HSD17B6: variants seen among roughly 807,000 people sequenced by gnomAD.
The protein encoded by HSD17B6 is hydroxysteroid 17-beta dehydrogenase 6, also known as 17-beta-hydroxysteroid dehydrogenase type 6.
Under a neutral mutation model 26.4 loss-of-function variants are expected in HSD17B6, and 16 were observed. The ratio of observed to expected loss-of-function variants is 0.61; its 90% CI spans 0.41 to 0.92. The LOEUF is 0.92. Among genes scored for constraint, HSD17B6 ranks in the 40% least tolerant of loss-of-function variants. The pLI, the probability that HSD17B6 is intolerant of heterozygous loss-of-function variation, is 0.00. For missense variants in HSD17B6, 357 were observed against 386.1 expected, an observed-to-expected ratio of 0.92 and a Z score of 0.63; for synonymous variants, 139 against 153.0, an observed-to-expected ratio of 0.91 and a Z score of 0.68.
intron 1 of HSD17B6, among the ~76,000 whole-genome samples, chr12:56,768,678 G>A (rs1018272944): frequency 7.0e-6 from 1 of 142,010 alleles, no homozygotes; most frequent in African/African-American, 2.6e-5. Context: ...TTGAAGGCTA[G>A]TAAAGATTTG....
chr12:56,783,713 G>T (rs1160794448), intron 3 of HSD17B6, among the ~76,000 whole-genome samples: 1 of 148,254 alleles, frequency 6.7e-6, no homozygotes, highest in South Asian at 2.1e-4. Context: ...CCTCCCTCCC[G>T]GACGGGACGG....
intron 1 of HSD17B6, among the ~76,000 whole-genome samples, chr12:56,767,729 AATAT>A (rs1954370663): frequency 1.4e-5 from 2 of 145,334 alleles, no homozygotes; most frequent in South Asian, 2.1e-4. Context: ...ACACATATAT[AATAT>A]ATATGTATTA....
intron 2 of HSD17B6, among the ~76,000 whole-genome samples, chr12:56,774,799 CCTG>C (rs1456921944): frequency 6.6e-6 from 1 of 152,216 alleles, no homozygotes; most frequent in African/African-American, 2.4e-5. Context: ...CTGCCACTGA[CCTG>C]ACAGGAGGCG....
At chr12:56,785,047 G>T in intron 4 of HSD17B6, 31 bp downstream of exon 4, 1 of 1,590,474 alleles carries the variant, frequency 6.3e-7, no homozygotes, top group Non-Finnish European at 8.6e-7. Context: ...AGGGATAATG[G>T]GTACCCTGTA....
rs1954525146 is a variant in HSD17B6 at position 56,773,695 on chromosome 12, G to T, written c.-19-139G>T. 3 of 758,666 alleles carry T rather than the reference G, an allele frequency of 4.0e-6. No homozygotes were observed. In the Admixed American group the frequency reaches 1.0e-4, roughly 26 times the overall value. 47.0% of individuals were successfully genotyped at this position (758,666 alleles called of 1,614,324 possible). A position where few individuals can be genotyped will look rare whatever the true frequency, so the allele number is the denominator to read the frequency against. On this transcript the variant is annotated intron_variant, in intron 1 of 4. Coordinates refer to ENST00000322165, the MANE Select transcript of HSD17B6 (RefSeq NM_003725.4). ...CACTGACTTCCCTCTCTAGACTGTG[G>T]CCCCTTGAGGGTAGGACTAAGTATT...
intron 2 of HSD17B6, among the ~76,000 whole-genome samples, chr12:56,778,503 G>A (rs1312377901): frequency 6.6e-6 from 1 of 151,582 alleles, no homozygotes; most frequent in East Asian, 1.9e-4. Flanking sequence ...GGCCAGGCTG[G>A]TGACCTCAGG....
At chr12:56,768,767 CG>C (rs1350764743) in intron 1 of HSD17B6, among the ~76,000 whole-genome samples, 242 of 17,252 alleles carry the variant, frequency 0.014, no homozygotes, top group Middle Eastern at 0.023. Context: ...TGGCGGTGGG[CG>C]GGGGGGAGGG....
chr12:56,767,541 A>C lies in HSD17B6; in HGVS notation c.-20+4127A>C, dbSNP rs1034479629. On this transcript the variant is annotated intron_variant, in intron 1 of 4. Coordinates refer to ENST00000322165, the MANE Select transcript of HSD17B6 (RefSeq NM_003725.4). ...AAAACAAAACAAAACGAAAACAAAAAAAAAACAAAAACAAAATAATTGCAT... is the reference window on the plus strand; with the variant it reads ...AAAACAAAACAAAACGAAAACAAAACAAAAACAAAAACAAAATAATTGCAT... Among the ~76,000 whole-genome samples the C allele has an allele frequency of 5.4e-5, 8 of 148,056 alleles. No homozygotes were observed. In the East Asian group the frequency reaches 5.8e-4, roughly 11 times the overall value.
intron 4 of HSD17B6, among the ~76,000 whole-genome samples, chr12:56,786,494 C>A (rs569495502): frequency 6.6e-6 from 1 of 152,336 alleles, no homozygotes; most frequent in Admixed American, 6.5e-5. Flanking sequence ...AAATTATCCA[C>A]CCACCTCGGC....
chr12:56,784,822 T>C (rs1954839216), intron 3 of HSD17B6, 31 bp from the exon 4 acceptor site: 3 of 1,602,414 alleles, frequency 1.9e-6, no homozygotes, highest in Non-Finnish European at 2.6e-6. Context: ...GGTGGTGGTC[T>C]TTAATCATAA....
rs1453188985 is a variant in HSD17B6 at position 56,783,512 on chromosome 12, C to T, written c.572+1280C>T. 4.1e-5 allele frequency among the ~76,000 whole-genome samples: 6 copies of T among 146,274 alleles called. No homozygotes were observed. The East Asian group carries it at 1.0e-3, about 26-fold the overall frequency. On this transcript the variant is annotated intron_variant, in intron 3 of 4. Coordinates refer to ENST00000322165, the MANE Select transcript of HSD17B6 (RefSeq NM_003725.4). ...GGGAGCTGAGCCCCCCACCTCCCTC[C>T]CGGATGGGGCGGCCGGCCGGGCGGG...
chr12:56,779,426 C>T (rs1322404249), intron 2 of HSD17B6, among the ~76,000 whole-genome samples: 1 of 152,234 alleles, frequency 6.6e-6, no homozygotes, highest in Non-Finnish European at 1.5e-5. Context: ...GCATGAGCCA[C>T]TGAGCCTGGC....
chr12:56,780,349 A>C (rs1220506055), intron 2 of HSD17B6, among the ~76,000 whole-genome samples: 3 of 152,244 alleles, frequency 2.0e-5, no homozygotes, highest in Non-Finnish European at 2.9e-5. Flanking sequence ...ACATTCTTAA[A>C]TATCTGCTAG....
chr12:56,782,287 T>C lies in HSD17B6; in HGVS notation c.572+55T>C, dbSNP rs942307424. 6.6e-6 allele frequency: 10 copies of C among 1,524,256 alleles called. No individual in the cohort carries two copies. In the Admixed American group the frequency reaches 1.9e-4, roughly 30 times the overall value. The allele number at this position is 1,524,256 out of a possible 1,614,324, so 94.4% of individuals were successfully genotyped here. A position where few individuals can be genotyped will look rare whatever the true frequency, so the allele number is the denominator to read the frequency against. On this transcript the variant is annotated intron_variant, in intron 3 of 4. Coordinates refer to ENST00000322165, the MANE Select transcript of HSD17B6 (RefSeq NM_003725.4). Reference sequence around the variant, plus strand: ...TGAGCACTGAAATATGTCTTAGGCATTGTGCTAGTTGCTTTCGCCTATCTT... The same window carrying C: ...TGAGCACTGAAATATGTCTTAGGCACTGTGCTAGTTGCTTTCGCCTATCTT...
chr12:56,778,215 A>C (rs896615849), intron 2 of HSD17B6, among the ~76,000 whole-genome samples: 12 of 152,200 alleles, frequency 7.9e-5, no homozygotes, highest in African/African-American at 2.2e-4. Flanking sequence ...CCATCTGGAA[A>C]TTCTACTAGT....
rs1954544019 is a variant in HSD17B6 at position 56,774,181 on chromosome 12, T to C, written c.313+16T>C. ...GGGGACAGAGGTATGAAATATTTTCTCCTTTTATTTACTTAGCATGAAGAT... is the reference window on the plus strand; with the variant it reads ...GGGGACAGAGGTATGAAATATTTTCCCCTTTTATTTACTTAGCATGAAGAT... On this transcript the variant is annotated intron_variant, in intron 2 of 4. Coordinates refer to ENST00000322165, the MANE Select transcript of HSD17B6 (RefSeq NM_003725.4). 1.3e-6 allele frequency: 2 copies of C among 1,526,786 alleles called. No individual in the cohort carries two copies. Among genetic ancestry groups the C allele is most frequent in the East Asian group, 2.3e-5 (1 of 44,092 alleles). The allele number at this position is 1,526,786 out of a possible 1,614,324, so 94.6% of individuals were successfully genotyped here.
At position 56,773,588 on chromosome 12, in the gene HSD17B6, T is replaced by C. The variant is rs75143833; in HGVS notation, c.-19-246T>C. Among the ~76,000 whole-genome samples, 528 of 152,350 alleles carry C rather than the reference T, an allele frequency of 3.5e-3. 3 individuals carry two copies. The highest frequency in any genetic ancestry group is 0.012 in the African/African-American group (509 of 41,574). Reference sequence around the variant, plus strand: ...CAAAATCATTCCTTCTGTGCTAGGCTATCGGTCATCTTCCTTTGTAGACTG... The same window carrying C: ...CAAAATCATTCCTTCTGTGCTAGGCCATCGGTCATCTTCCTTTGTAGACTG... On this transcript the variant is annotated intron_variant, in intron 1 of 4. Transcript: ENST00000322165.
At chr12:56,765,827 C>T (rs925389972) in intron 1 of HSD17B6, among the ~76,000 whole-genome samples, 3 of 152,076 alleles carry the variant, frequency 2.0e-5, no homozygotes, top group African/African-American at 4.8e-5. Flanking sequence ...ATACTATCCA[C>T]AAAATCAGGG....
Position 56,787,725 on chromosome 12 carries a change from T to C in HSD17B6, c.*383T>C, listed in dbSNP as rs1954908018. 5.9e-6 allele frequency: 1 copy of C among 170,870 alleles called. No homozygotes were observed. 10.6% of individuals were successfully genotyped at this position (170,870 alleles called of 1,614,324 possible). A position where few individuals can be genotyped will look rare whatever the true frequency, so the allele number is the denominator to read the frequency against. On this transcript the variant is annotated 3_prime_UTR_variant, in exon 5 of 5. Transcript: ENST00000322165. ...CTACTAAGAAATATGTTGGTGTGTT[T>C]GTCCTTACTTGAAATGGGTCTGTAT... is the stretch of plus-strand genomic sequence containing the variant.
Sources: gnomAD v4.1 joint callset for allele counts (sites outside exome capture counted in the v4.1 genomes callset) on GRCh38, gnomAD v4.1.1 for gene constraint, MANE v1.5 for transcripts, NCBI Gene and HGNC (gene_info 2026-07-23, HGNC 2026-07-21) for gene names.